The following ABTB3 variants were observed in gnomAD, a reference collection of about 807,000 sequenced individuals.
The protein encoded by ABTB3 is ankyrin repeat and BTB domain containing 3, also known as ankyrin repeat- and BTB/POZ domain-containing protein 3.
At chr12:107,500,105 G>A in the ABTB3 span, among the ~76,000 whole-genome samples, 5 of 152,300 alleles carry the variant, frequency 3.3e-5, no homozygotes, top group South Asian at 2.1e-4. Context: ...GACATGCGGC[G>A]ATTACAATTT....
At chr12:107,459,153 T>C in the ABTB3 span, among the ~76,000 whole-genome samples, 8 of 152,124 alleles carry the variant, frequency 5.3e-5, no homozygotes, top group Non-Finnish European at 4.4e-5. Flanking sequence ...CCCTATGGAG[T>C]AGGCACTGTT....
the ABTB3 span, among the ~76,000 whole-genome samples, chr12:107,431,674 T>G: frequency 6.6e-6 from 1 of 152,196 alleles, no homozygotes; most frequent in Admixed American, 6.5e-5. Flanking sequence ...CTGTGACTTT[T>G]GTGGGGTGGG....
At chr12:107,617,319 G>A in the ABTB3 span, 9 of 1,614,148 alleles carry the variant, frequency 5.6e-6, no homozygotes, top group Non-Finnish European at 6.8e-6. Flanking sequence ...GAGCTGGTTA[G>A]TTTGCTGTTG....
chr12:107,604,972 A>G, the ABTB3 span, among the ~76,000 whole-genome samples: 1 of 152,262 alleles, frequency 6.6e-6, no homozygotes, highest in Non-Finnish European at 1.5e-5. Flanking sequence ...GACAAAGTCA[A>G]TAAACCTGGA....
the ABTB3 span, among the ~76,000 whole-genome samples, chr12:107,519,303 T>TTTTCG: frequency 4.7e-5 from 7 of 148,960 alleles, no homozygotes; most frequent in African/African-American, 1.7e-4. Context: ...TGTTTTTCTT[T>TTTTCG]TTTCTTTTCT....
the ABTB3 span, among the ~76,000 whole-genome samples, chr12:107,495,026 T>C: frequency 6.6e-6 from 1 of 152,156 alleles, no homozygotes; most frequent in Non-Finnish European, 1.5e-5. Flanking sequence ...GAAGTGGCTG[T>C]TGCTTCTCAG....
At chr12:107,499,726 C>T in the ABTB3 span, among the ~76,000 whole-genome samples, 19 of 151,276 alleles carry the variant, frequency 1.3e-4, no homozygotes, top group African/African-American at 3.4e-4. Flanking sequence ...CACTCTGTCA[C>T]CCAGGCTGGA....
the ABTB3 span, among the ~76,000 whole-genome samples, chr12:107,608,988 A>C: frequency 0.076 from 10,234 of 133,988 alleles, 634 homozygotes; most frequent in African/African-American, 0.11. Flanking sequence ...AATAAAATAA[A>C]ATAAAATAAA....
the ABTB3 span, among the ~76,000 whole-genome samples, chr12:107,548,255 A>G: frequency 3.0e-3 from 450 of 152,290 alleles, 17 homozygotes; most frequent in South Asian, 0.089. Context: ...ATTCTGACAA[A>G]GTCAGGTAGG....
the ABTB3 span, among the ~76,000 whole-genome samples, chr12:107,390,027 G>T: frequency 6.6e-6 from 1 of 152,064 alleles, no homozygotes; most frequent in Non-Finnish European, 1.5e-5. Context: ...GCTTCCAAAA[G>T]CTCAAAAGCA....
At chr12:107,419,255 G>A in the ABTB3 span, among the ~76,000 whole-genome samples, 2 of 152,254 alleles carry the variant, frequency 1.3e-5, no homozygotes, top group East Asian at 1.9e-4. Context: ...AGGGAGACAT[G>A]TTTGTTCTGT....
At chr12:107,374,391 GC>G in the ABTB3 span, among the ~76,000 whole-genome samples, 1 of 152,144 alleles carries the variant, frequency 6.6e-6, no homozygotes, top group Non-Finnish European at 1.5e-5. Context: ...TGGGTTTGAG[GC>G]CGACTCACTC....
At chr12:107,625,267 C>A in the ABTB3 span, among the ~76,000 whole-genome samples, 1 of 152,176 alleles carries the variant, frequency 6.6e-6, no homozygotes, top group African/African-American at 2.4e-5. Flanking sequence ...CAAATATTTT[C>A]TCCCACTCTG....
the ABTB3 span, among the ~76,000 whole-genome samples, chr12:107,632,826 G>C: frequency 6.6e-6 from 1 of 152,190 alleles, no homozygotes; most frequent in Admixed American, 6.5e-5. Context: ...GTAGGACTGA[G>C]GTCCTACTTC....
the ABTB3 span, among the ~76,000 whole-genome samples, chr12:107,452,420 A>G: frequency 2.0e-5 from 3 of 151,868 alleles, no homozygotes; most frequent in Non-Finnish European, 4.4e-5. Context: ...GTTAGCCAGG[A>G]TGGTCTCGAT....
chr12:107,607,771 G>T, the ABTB3 span, among the ~76,000 whole-genome samples: 1 of 152,126 alleles, frequency 6.6e-6, no homozygotes. Context: ...TTCCCATTCC[G>T]GAATAGTTTT....
At chr12:107,455,901 G>C in the ABTB3 span, among the ~76,000 whole-genome samples, 14 of 152,128 alleles carry the variant, frequency 9.2e-5, no homozygotes, top group African/African-American at 3.4e-4. Context: ...GAGCAGAATT[G>C]AACAAGTTTT....
the ABTB3 span, among the ~76,000 whole-genome samples, chr12:107,558,497 C>T: frequency 6.6e-6 from 1 of 152,110 alleles, no homozygotes; most frequent in Non-Finnish European, 1.5e-5. Context: ...AGATTTTTGT[C>T]TGCAGGTGTC....
At chr12:107,332,677 C>T in the ABTB3 span, among the ~76,000 whole-genome samples, 1 of 152,144 alleles carries the variant, frequency 6.6e-6, no homozygotes, top group Non-Finnish European at 1.5e-5. Context: ...TGGCTAGTAG[C>T]AGCAGAGGCC....
Sources: allele counts gnomAD v4.1 joint callset (sites outside exome capture counted in the v4.1 genomes callset), GRCh38; gene constraint gnomAD v4.1.1; transcripts MANE v1.5; gene names NCBI Gene and HGNC (gene_info 2026-07-23, HGNC 2026-07-21).